EFCAB13: variants seen among roughly 807,000 people sequenced by gnomAD.
EFCAB13 encodes EF-hand calcium binding domain 13.
In EFCAB13, 91 loss-of-function variants were observed where a neutral mutation model predicts 110.2. The observed-to-expected ratio is 0.83, with a 90% CI of 0.70 to 0.98. EFCAB13 has a LOEUF of 0.98. Among genes scored for constraint, EFCAB13 ranks in the 50% least tolerant of loss-of-function variants. EFCAB13 has a pLI of 0.00. For missense variants in EFCAB13, 968 were observed against 1,119.4 expected, an observed-to-expected ratio of 0.86 and a Z score of 1.93; for synonymous variants, 323 against 369.9, an observed-to-expected ratio of 0.87 and a Z score of 1.45.
chr17:47,368,039 G>C (rs1198200161), intron 10 of EFCAB13, among the ~76,000 whole-genome samples: 3 of 152,144 alleles, frequency 2.0e-5, no homozygotes, highest in Non-Finnish European at 4.4e-5. Flanking sequence ...ACAGTTAGCT[G>C]AAAAATATTA....
chr17:47,363,032 G>A (rs553314729), intron 10 of EFCAB13, among the ~76,000 whole-genome samples: 18 of 152,098 alleles, frequency 1.2e-4, no homozygotes, highest in African/African-American at 4.1e-4. Flanking sequence ...CTCCGCACAC[G>A]GGGAGAAAAC....
At chr17:47,335,169 C>G in intron 4 of EFCAB13, 27 bp from the exon 5 acceptor site, 1 of 1,564,290 alleles carries the variant, frequency 6.4e-7, no homozygotes, top group East Asian at 2.3e-5. Flanking sequence ...AGAGGACATG[C>G]TTGATTGTGG....
At chr17:47,427,233 T>A (rs1259504487) in intron 23 of EFCAB13, among the ~76,000 whole-genome samples, 2 of 152,142 alleles carry the variant, frequency 1.3e-5, no homozygotes, top group African/African-American at 2.4e-5. Context: ...ATGCCTCCTA[T>A]ATATTACATT....
At chr17:47,355,300 G>C (rs1352083088) in intron 9 of EFCAB13, among the ~76,000 whole-genome samples, 1 of 152,118 alleles carries the variant, frequency 6.6e-6, no homozygotes, top group African/African-American at 2.4e-5. Flanking sequence ...TTGCCACACA[G>C]CTCTTAAGAT....
chr17:47,431,623 G>A lies in EFCAB13; in HGVS notation c.2638+1662G>A, dbSNP rs892533958. Among the ~76,000 whole-genome samples the A allele has an allele frequency of 2.0e-5, 3 of 151,950 alleles. No individual in the cohort carries two copies. Among genetic ancestry groups the A allele is most frequent in the African/African-American group, 7.2e-5 (3 of 41,380 alleles). ...TAATTTCTAGTTTAATTGCATTGTG[G>A]TGGTCAGTGAACATACTCTGATTTT... is the stretch of plus-strand genomic sequence containing the variant. On this transcript the variant is annotated intron_variant, in intron 24 of 24. Transcript: ENST00000331493. The surrounding 1 kb of genome is among the most constrained non-coding windows in gnomAD (Gnocchi z 4.1).
At chr17:47,330,032 G>T (rs1299055134) in intron 4 of EFCAB13, 1 of 152,116 alleles carries the variant, frequency 6.6e-6, no homozygotes, top group Non-Finnish European at 1.5e-5. Context: ...AATTGTCTGT[G>T]TAATCTTCAT....
chr17:47,418,630 A>T (rs542536448), intron 23 of EFCAB13, among the ~76,000 whole-genome samples: 6 of 152,356 alleles, frequency 3.9e-5, no homozygotes, highest in Admixed American at 2.0e-4. Flanking sequence ...TTGATGTCAT[A>T]AAGATAATGC....
chr17:47,341,981 A>T lies in EFCAB13; in HGVS notation c.252A>T (p.Lys84Asn). 1 of 1,601,410 alleles carries T rather than the reference A, an allele frequency of 6.2e-7. No homozygotes were observed. The highest frequency in any genetic ancestry group is 8.5e-7 in the Non-Finnish European group (1 of 1,175,066). ...AGTCCTCTGATTTTTCAGGAGAAAA[A>T]AAAGTTGGGAGAAAGAGTTTACAAG... ...EEKSSDFSGE[K>N]KVGRKSLQVQ... Residue 84 changes from lysine (K) to asparagine (N), a missense_variant, in exon 6 of 25, where the codon AAA (lysine) becomes AAT (asparagine). Physicochemically the swap from Lys to Asn is moderately conservative, Grantham distance 94. Coordinates refer to ENST00000331493, the MANE Select transcript of EFCAB13 (RefSeq NM_152347.5).
intron 17 of EFCAB13, among the ~76,000 whole-genome samples, chr17:47,398,051 C>T (rs528880689): frequency 5.4e-4 from 76 of 140,802 alleles, no homozygotes; most frequent in South Asian, 1.9e-3. Flanking sequence ...CCGCTCCGTC[C>T]GGGAGGGAGG....
At chr17:47,340,907 TA>T (rs1279066256) in intron 5 of EFCAB13, among the ~76,000 whole-genome samples, 1 of 148,848 alleles carries the variant, frequency 6.7e-6, no homozygotes, top group African/African-American at 2.5e-5. Flanking sequence ...TGAGCTACCA[TA>T]CCCAGCCAGT....
chr17:47,389,555 A>G (rs540605346), intron 14 of EFCAB13, among the ~76,000 whole-genome samples: 1 of 150,872 alleles, frequency 6.6e-6, no homozygotes, highest in South Asian at 2.1e-4. Context: ...GACTCAATAC[A>G]GTGACCAGGC....
chr17:47,403,062 G>A (rs2065787065), intron 18 of EFCAB13, among the ~76,000 whole-genome samples: 1 of 152,176 alleles, frequency 6.6e-6, no homozygotes, highest in South Asian at 2.1e-4. Flanking sequence ...CTGGGTGTCA[G>A]CAAAGCTCAG....
At chr17:47,369,084 T>G (rs577106864) in intron 10 of EFCAB13, among the ~76,000 whole-genome samples, 1 of 152,332 alleles carries the variant, frequency 6.6e-6, no homozygotes, top group East Asian at 1.9e-4. Flanking sequence ...AGAATGGAGT[T>G]CATGAGCTGG....
At position 47,335,341 on chromosome 17, in the gene EFCAB13, C is replaced by A. The variant is rs1335390731; in HGVS notation, c.176C>A (p.Pro59Gln). The A allele has an allele frequency of 6.9e-6, 11 of 1,586,112 alleles. No individual in the cohort carries two copies. The highest frequency in any genetic ancestry group is 9.4e-6 in the Non-Finnish European group (11 of 1,172,388). ...EISPEIRSLS[P>Q]EYKKIFETSI... The stretch of plus-strand genomic sequence containing the variant: ...TCACCGGAAATTAGGAGTTTGAGCC[C>A]AGAATATAAAAAAATGTAAGTTAAA... Residue 59 changes from proline (P) to glutamine (Q), a missense_variant, in exon 5 of 25, where the codon CCA becomes CAA. Physicochemically the swap from Pro to Gln is moderately conservative, Grantham distance 76. Coordinates refer to ENST00000331493, the MANE Select transcript of EFCAB13 (RefSeq NM_152347.5).
chr17:47,427,995 G>C (rs2143513672), intron 23 of EFCAB13, among the ~76,000 whole-genome samples: 1 of 151,934 alleles, frequency 6.6e-6, no homozygotes, highest in South Asian at 2.1e-4. Flanking sequence ...AAACAACATT[G>C]TAGTCATATT....
Position 47,427,786 on chromosome 17 carries a change from C to A in EFCAB13, c.2495-2032C>A, listed in dbSNP as rs564265907. Among the ~76,000 whole-genome samples the A allele has an allele frequency of 2.3e-4, 35 of 152,092 alleles. 1 individual carries two copies. The highest frequency in any genetic ancestry group is 6.8e-3 in the Middle Eastern group (2 of 294). Reference sequence around the variant, plus strand: ...CTTTGCATGTGCAATCTCTCCCTTCCCCTTTCTTCTGGAGTTAACAATTAT... The same window carrying A: ...CTTTGCATGTGCAATCTCTCCCTTCACCTTTCTTCTGGAGTTAACAATTAT... On this transcript the variant is annotated intron_variant, in intron 23 of 24. Transcript: ENST00000331493.
At chr17:47,354,777 G>C (rs1367814074) in intron 9 of EFCAB13, among the ~76,000 whole-genome samples, 1 of 152,146 alleles carries the variant, frequency 6.6e-6, no homozygotes, top group African/African-American at 2.4e-5. Flanking sequence ...TGTCAAGTGA[G>C]TCTCTTGAAG....
At chr17:47,419,913 C>CCCCTAT (rs1555587918) in intron 23 of EFCAB13, among the ~76,000 whole-genome samples, 1 of 149,390 alleles carries the variant, frequency 6.7e-6, no homozygotes, top group Non-Finnish European at 1.5e-5. Context: ...TAAGAAATGT[C>CCCCTAT]CCCTCTCCCT....
At chr17:47,378,854 G>T (rs1397366749) in intron 13 of EFCAB13, among the ~76,000 whole-genome samples, 1 of 152,012 alleles carries the variant, frequency 6.6e-6, no homozygotes, top group African/African-American at 2.4e-5. Flanking sequence ...CTATCTATAT[G>T]GACATCTTTC....
Sources: allele counts gnomAD v4.1 joint callset (sites outside exome capture counted in the v4.1 genomes callset), GRCh38; gene constraint gnomAD v4.1.1; non-coding constraint Gnocchi (gnomAD v3.1); transcripts MANE v1.5; gene names NCBI Gene and HGNC (gene_info 2026-07-23, HGNC 2026-07-21).